SI: variants seen among roughly 807,000 people sequenced by gnomAD.
SI encodes the protein sucrase-isomaltase, also known as sucrase-isomaltase, intestinal.
A neutral mutation model predicts 253.3 loss-of-function variants in SI; 235 were observed. That is an observed-to-expected ratio of 0.93 (90% confidence interval 0.83 to 1.03). The LOEUF (loss-of-function observed/expected upper bound fraction) is 1.03. Among genes scored for constraint, SI ranks in the 50% least tolerant of loss-of-function variants. The pLI is 0.00. For missense variants in SI, 2,442 were observed against 2,211.1 expected, an observed-to-expected ratio of 1.10 and a Z score of -2.09; for synonymous variants, 819 against 712.0, an observed-to-expected ratio of 1.15 and a Z score of -2.39.
chr3:165,025,608 T>G (rs1711869225), intron 25 of SI, among the ~76,000 whole-genome samples: 1 of 150,792 alleles, frequency 6.6e-6, no homozygotes, highest in African/African-American at 2.4e-5. Context: ...GCAAAAGCAC[T>G]AGCTAACCTA....
chr3:165,088,164 G>A, the SI span, among the ~76,000 whole-genome samples: 20 of 151,940 alleles, frequency 1.3e-4, no homozygotes, highest in East Asian at 3.9e-3. Context: ...TGGAGAACAT[G>A]GCAAAACCTT....
chr3:165,026,860 C>A (rs1195008371), intron 25 of SI, among the ~76,000 whole-genome samples: 1 of 150,816 alleles, frequency 6.6e-6, no homozygotes, highest in South Asian at 2.1e-4. Flanking sequence ...AATGCCTACA[C>A]CAAAAAGTCT....
At chr3:165,019,522 G>T in intron 28 of SI, 80 bp downstream of exon 28, 1 of 1,257,630 alleles carries the variant, frequency 8.0e-7, no homozygotes, top group Non-Finnish European at 1.2e-6. Context: ...CAATCCTAAA[G>T]CACAGGCCCA....
intron 44 of SI, among the ~76,000 whole-genome samples, chr3:164,990,524 G>T (rs1185175841): frequency 6.6e-6 from 1 of 152,134 alleles, no homozygotes; most frequent in African/African-American, 2.4e-5. Context: ...ATAGGCAGAG[G>T]CATTGACAGC....
chr3:165,011,765 T>C (rs761842775), intron 34 of SI, among the ~76,000 whole-genome samples: 1 of 148,660 alleles, frequency 6.7e-6, no homozygotes, highest in Non-Finnish European at 1.5e-5. Context: ...TGTTATTATT[T>C]ATTTATTATT....
Position 165,015,183 on chromosome 3 carries a change from T to C in SI, c.3939A>G (p.Arg1313=). The stretch of plus-strand genomic sequence containing the variant: ...TGACAAAGACATCATTCTGCTGTCC[T>C]CTTTCAAATGCAGGGTAAGTCTTTG... ...NETKTYPAFE[R]GQQNDVFVKW... is the part of the protein sequence containing the mutation. The change falls in exon 33 of 48, where the codon AGA becomes AGG. Residue 1313 remains arginine (R), a synonymous_variant. Transcript: ENST00000264382. The C allele has an allele frequency of 6.2e-7, 1 of 1,613,628 alleles. No individual in the cohort carries two copies. The highest frequency in any genetic ancestry group is 8.5e-7 in the Non-Finnish European group (1 of 1,179,708).
intron 47 of SI, among the ~76,000 whole-genome samples, chr3:164,980,149 A>G (rs6764642): frequency 0.048 from 7,325 of 151,854 alleles, 599 homozygotes; most frequent in African/African-American, 0.17. Flanking sequence ...ATCCTTTACT[A>G]CCTACCACAT....
intron 40 of SI, 126 bp from the exon 41 acceptor site, chr3:164,994,531 T>G: frequency 1.1e-6 from 1 of 935,474 alleles, no homozygotes; most frequent in Non-Finnish European, 1.7e-6. Context: ...GCTATGTACT[T>G]TCTTCCCAAA....
At chr3:165,064,849 C>T (rs1291924446) in intron 7 of SI, among the ~76,000 whole-genome samples, 1 of 151,866 alleles carries the variant, frequency 6.6e-6, no homozygotes, top group African/African-American at 2.4e-5. Flanking sequence ...TATTATAGAA[C>T]AGTAAGAAGG....
rs11925889 is a variant in SI, at chr3:164,998,216, T to C, written c.4540+324A>G. On this transcript the variant is annotated intron_variant, in intron 38 of 47. Transcript: ENST00000264382. ...TATTTTTTGACTTTTTAATAATAGC[T>C]ATGAAATCTAGAATTTCTATTCATT... is the stretch of plus-strand genomic sequence containing the variant. 7.4e-4 allele frequency among the ~76,000 whole-genome samples: 112 copies of C among 151,898 alleles called. 2 individuals are homozygous for C. The highest frequency in any genetic ancestry group is 2.3e-3 in the African/African-American group (97 of 41,522).
chr3:165,012,474 G>A (rs1378398281), intron 34 of SI, among the ~76,000 whole-genome samples: 4 of 152,086 alleles, frequency 2.6e-5, no homozygotes, highest in Non-Finnish European at 5.9e-5. Flanking sequence ...TGTCACCCAG[G>A]CTGGAGTGCA....
the SI span, among the ~76,000 whole-genome samples, chr3:165,088,589 C>T: frequency 6.6e-6 from 1 of 151,662 alleles, no homozygotes; most frequent in African/African-American, 2.4e-5. Flanking sequence ...TGCAGTGAGC[C>T]GAGATTGTGC....
intron 27 of SI, among the ~76,000 whole-genome samples, chr3:165,021,006 T>C (rs555292445): frequency 6.6e-6 from 1 of 151,726 alleles, no homozygotes; most frequent in South Asian, 2.1e-4. Context: ...AATAGTGAAA[T>C]TGAACACCTC....
intron 22 of SI, among the ~76,000 whole-genome samples, chr3:165,034,585 C>A (rs1412470728): frequency 6.6e-6 from 1 of 151,936 alleles, no homozygotes; most frequent in Admixed American, 6.6e-5. Context: ...AGAGCTCACC[C>A]TAGTGTGCTT....
intron 7 of SI, among the ~76,000 whole-genome samples, chr3:165,064,235 G>T (rs1714116955): frequency 6.6e-6 from 1 of 151,958 alleles, no homozygotes; most frequent in African/African-American, 2.4e-5. Flanking sequence ...TTTCTTGAGA[G>T]CTGATGAAGA....
chr3:165,045,936 C>A (rs956590117), intron 16 of SI, among the ~76,000 whole-genome samples: 1 of 148,668 alleles, frequency 6.7e-6, no homozygotes, highest in South Asian at 2.1e-4. Flanking sequence ...CAGGTTCAAA[C>A]GATTCTCCTG....
intron 41 of SI, among the ~76,000 whole-genome samples, chr3:164,993,598 C>T (rs527501016): frequency 9.4e-5 from 14 of 148,356 alleles, no homozygotes; most frequent in South Asian, 4.2e-4. Flanking sequence ...TGTGATTATT[C>T]GGGGTTTTTT....
the SI span, among the ~76,000 whole-genome samples, chr3:165,085,318 G>T: frequency 6.6e-6 from 1 of 152,222 alleles, no homozygotes; most frequent in East Asian, 1.9e-4. Flanking sequence ...TGAAAGTAAT[G>T]AAGCAGTCTC....
At chr3:165,028,941 A>G (rs1712073752) in intron 25 of SI, among the ~76,000 whole-genome samples, 1 of 151,594 alleles carries the variant, frequency 6.6e-6, no homozygotes, top group African/African-American at 2.4e-5. Flanking sequence ...TAATTAAACT[A>G]AGATCTTTTG....
Sources: gnomAD v4.1 joint callset for allele counts (sites outside exome capture counted in the v4.1 genomes callset) on GRCh38, gnomAD v4.1.1 for gene constraint, MANE v1.5 for transcripts, NCBI Gene and HGNC (gene_info 2026-07-23, HGNC 2026-07-21) for gene names.